Variants in ZNF469 observed in about 807,000 individuals in gnomAD.
The protein encoded by ZNF469 is zinc finger protein 469.
Under a neutral mutation model 1.0 loss-of-function variants are expected in ZNF469, and 1 was observed. The observed-to-expected ratio is 1.00, with a 90% CI of 0.35 to 4.73. The LOEUF (loss-of-function observed/expected upper bound fraction) is 4.73. ZNF469 is among the 30% of genes most tolerant of loss of function. The pLI is 0.16. For missense variants in ZNF469, 6,100 were observed against 5,356.3 expected (o/e 1.14, Z -4.33); for synonymous variants, 2,703 against 2,363.4 (o/e 1.14, Z -4.17).
Position 88,439,706 on chromosome 16 carries a change from C to T in ZNF469, c.*374C>T, listed in dbSNP as rs1214481450. 3.3e-6 allele frequency: 1 copy of T among 300,376 alleles called. No homozygotes were observed. Among genetic ancestry groups the T allele is most frequent in the Non-Finnish European group, 6.3e-6 (1 of 157,974 alleles). The allele number at this position is 300,376 out of a possible 1,614,324, so 18.6% of individuals were successfully genotyped here. On this transcript the variant is annotated 3_prime_UTR_variant, in exon 3 of 3. Coordinates refer to ENST00000565624, the MANE Select transcript of ZNF469 (RefSeq NM_001367624.2). Reference sequence around the variant, plus strand: ...AGATTTGCACAACCTCCCGTTCCCCCACATGGAGAAGGGAAGTAAGTTGAG... The same window carrying T: ...AGATTTGCACAACCTCCCGTTCCCCTACATGGAGAAGGGAAGTAAGTTGAG...
the ZNF469 span, among the ~76,000 whole-genome samples, chr16:88,124,879 C>T: frequency 1.2e-4 from 19 of 152,346 alleles, no homozygotes; most frequent in Middle Eastern, 3.4e-3. Flanking sequence ...CCACTGCGCC[C>T]GGCCAAGAAT....
chr16:88,302,835 G>A, the ZNF469 span, among the ~76,000 whole-genome samples: 3 of 152,338 alleles, frequency 2.0e-5, no homozygotes, highest in East Asian at 5.8e-4. Context: ...GCAATGTGCT[G>A]TAGGGGCCAG....
intron 1 of ZNF469, among the ~76,000 whole-genome samples, chr16:88,401,135 T>C (rs1904840869): frequency 1.3e-5 from 2 of 151,968 alleles, no homozygotes; most frequent in African/African-American, 4.8e-5. Flanking sequence ...GAAGACTGGG[T>C]ACAGTTTCTC....
At chr16:88,205,374 AG>A in the ZNF469 span, among the ~76,000 whole-genome samples, 2 of 152,140 alleles carry the variant, frequency 1.3e-5, no homozygotes, top group Non-Finnish European at 2.9e-5. This position sits in a 1 kb window ranked among gnomAD's most constrained non-coding sequence, Gnocchi z 4.2. Context: ...AGCACTTTGC[AG>A]GGCCGTACCC....
the ZNF469 span, among the ~76,000 whole-genome samples, chr16:88,137,838 G>A: frequency 6.6e-5 from 10 of 152,248 alleles, no homozygotes; most frequent in Non-Finnish European, 1.3e-4. Context: ...AATGTGAGGT[G>A]CAGAGCCCTG....
the ZNF469 span, among the ~76,000 whole-genome samples, chr16:88,285,528 C>G: frequency 1.4e-4 from 22 of 152,382 alleles, no homozygotes; most frequent in African/African-American, 3.1e-4. Context: ...AGCCTGGTCA[C>G]GAGGTGAGGC....
At chr16:88,306,911 G>C in the ZNF469 span, among the ~76,000 whole-genome samples, 15 of 152,192 alleles carry the variant, frequency 9.9e-5, no homozygotes, top group African/African-American at 2.7e-4. Context: ...TGAATTCACA[G>C]AATTGTGCAA....
chr16:88,351,805 C>G, the ZNF469 span, among the ~76,000 whole-genome samples: 1 of 152,178 alleles, frequency 6.6e-6, no homozygotes, highest in African/African-American at 2.4e-5. Context: ...CCACCACCCA[C>G]CACCCTCTCC....
At chr16:88,127,640 C>T in the ZNF469 span, among the ~76,000 whole-genome samples, 5,718 of 152,172 alleles carry the variant, frequency 0.038, 365 homozygotes, top group African/African-American at 0.13. Context: ...GTGCTGGAGG[C>T]GGCAGGGAGG....
At chr16:88,234,539 G>A in the ZNF469 span, among the ~76,000 whole-genome samples, 1 of 152,340 alleles carries the variant, frequency 6.6e-6, no homozygotes, top group East Asian at 1.9e-4. Flanking sequence ...CTCCAGCCTC[G>A]CAGCGCGGAC....
chr16:88,391,357 T>C (rs1404491012), intron 1 of ZNF469, among the ~76,000 whole-genome samples: 1 of 152,252 alleles, frequency 6.6e-6, no homozygotes, highest in East Asian at 1.9e-4. Context: ...AGTTGCTCCA[T>C]GTGACTGTGC....
chr16:88,102,614 G>T, the ZNF469 span, among the ~76,000 whole-genome samples: 3 of 152,252 alleles, frequency 2.0e-5, no homozygotes, highest in Non-Finnish European at 4.4e-5. Context: ...CTTCGGCTCT[G>T]GTCCCATCCG....
At chr16:88,165,688 T>G in the ZNF469 span, among the ~76,000 whole-genome samples, 1 of 152,194 alleles carries the variant, frequency 6.6e-6, no homozygotes, top group African/African-American at 2.4e-5. Context: ...ACTCAGTACT[T>G]TCTTTATGCT....
the ZNF469 span, among the ~76,000 whole-genome samples, chr16:88,303,871 A>C: frequency 6.3e-3 from 962 of 152,300 alleles, 5 homozygotes; most frequent in African/African-American, 0.022. Context: ...AAGCACCCAC[A>C]CAGGCCACAC....
chr16:88,390,294 A>C (rs1490102265), intron 1 of ZNF469, among the ~76,000 whole-genome samples: 1 of 152,136 alleles, frequency 6.6e-6, no homozygotes, highest in African/African-American at 2.4e-5. Context: ...ACATGGGAGT[A>C]GGGGCACCCA....
intron 1 of ZNF469, among the ~76,000 whole-genome samples, chr16:88,383,790 A>G (rs1464854449): frequency 1.3e-5 from 2 of 151,944 alleles, no homozygotes; most frequent in African/African-American, 4.8e-5. Context: ...AGCGCCCCGG[A>G]CGGGGGTGGG....
chr16:88,141,039 C>A, the ZNF469 span, among the ~76,000 whole-genome samples: 6 of 152,200 alleles, frequency 3.9e-5, no homozygotes, highest in Non-Finnish European at 5.9e-5. Context: ...AGGAAAGAAT[C>A]ATTCAGAGGC....
chr16:88,393,538 G>A (rs1904548033), intron 1 of ZNF469, among the ~76,000 whole-genome samples: 1 of 152,248 alleles, frequency 6.6e-6, no homozygotes, highest in Admixed American at 6.5e-5. Flanking sequence ...TGTGGCCCAG[G>A]GTGGGCAGAG....
At chr16:88,426,249 T>C (rs916936552) in intron 2 of ZNF469, among the ~76,000 whole-genome samples, 1 of 152,194 alleles carries the variant, frequency 6.6e-6, no homozygotes, top group African/African-American at 2.4e-5. Context: ...CCTGGCCAAG[T>C]CATCCGCCTC....
Sources: gnomAD v4.1 joint callset for allele counts (sites outside exome capture counted in the v4.1 genomes callset) on GRCh38, gnomAD v4.1.1 for gene constraint, Gnocchi (gnomAD v3.1) non-coding constraint, MANE v1.5 for transcripts, NCBI Gene and HGNC (gene_info 2026-07-23, HGNC 2026-07-21) for gene names.